Variants in EPHX3 observed in about 807,000 individuals in gnomAD.
EPHX3 encodes the protein epoxide hydrolase 3.
EPHX3 carries 39 observed loss-of-function variants against 40.2 expected under a neutral mutation model. That is an observed-to-expected ratio of 0.97 (90% CI 0.75 to 1.27). The LOEUF (loss-of-function observed/expected upper bound fraction) is 1.27, where lower values mean the gene tolerates loss of function less well. Among genes scored for constraint, EPHX3 ranks in the 50% most tolerant of loss-of-function variants. The probability of loss-of-function intolerance (pLI) is 0.00; values close to 1 mark genes in which losing one functional copy is unlikely to be tolerated. For synonymous variants in EPHX3, 213 were observed against 209.7 expected (o/e 1.02, Z -0.14); for missense variants, 442 against 474.0 (o/e 0.93, Z 0.63).
chr19:15,232,173 C>A lies in EPHX3; in HGVS notation c.39G>T (p.Ser13=). 1 of 1,524,012 alleles carries A rather than the reference C, an allele frequency of 6.6e-7. No homozygotes were observed. The highest frequency in any genetic ancestry group is 8.7e-7 in the Non-Finnish European group (1 of 1,143,168). 94.4% of individuals were successfully genotyped at this position (1,524,012 alleles called of 1,614,324 possible). ...ELVVTALLAP[S]RLSLKLLRAF... ...CGCGCAGCAGCTTCAGCGACAGGCG[C>A]GACGGCGCCAGCAGCGCGGTCACCA... The change falls in exon 1 of 7, where the codon TCG becomes TCT. Residue 13 remains serine, a synonymous_variant. Coordinates refer to ENST00000221730, the MANE Select transcript of EPHX3 (RefSeq NM_024794.3).
At chr19:15,235,506 C>G (rs1280025036), upstream of EPHX3, 1 of 145,234 alleles carries the variant, frequency 6.9e-6, no homozygotes, top group African/African-American at 2.6e-5. Context: ...AAAAAGCAGC[C>G]ATCACAGGAG....
upstream of EPHX3, chr19:15,232,524 G>A (rs1001641633): frequency 1.0e-6 from 1 of 986,932 alleles, no homozygotes; most frequent in South Asian, 2.5e-5. Context: ...TCCTGTGCGG[G>A]GCTTAGGGCC....
At chr19:15,228,905 C>T (rs528651900) in intron 4 of EPHX3, among the ~76,000 whole-genome samples, 28 of 152,122 alleles carry the variant, frequency 1.8e-4, no homozygotes, top group Non-Finnish European at 3.5e-4. Flanking sequence ...GTGGGAGGAT[C>T]GCTTGAGCCC....
At chr19:15,230,940 T>C (rs75156327) in intron 4 of EPHX3, 22 bp downstream of exon 4, 38,275 of 1,612,250 alleles carry the variant, frequency 0.024, 1,502 homozygotes, top group East Asian at 0.19. Context: ...TACATCCCAG[T>C]GTCCCGGACT....
At chr19:15,231,187 G>A (rs2047151052) in intron 3 of EPHX3, 52 bp downstream of exon 3, 2 of 1,612,768 alleles carry the variant, frequency 1.2e-6, no homozygotes, top group Non-Finnish European at 1.7e-6. Context: ...GCGGGGGTAT[G>A]CGTGTGTGCA....
At chr19:15,233,125 A>G (rs911964888), upstream of EPHX3, 14 of 94,518 alleles carry the variant, frequency 1.5e-4, no homozygotes, top group African/African-American at 5.8e-4. Flanking sequence ...GCCTGGGCCA[A>G]TGAGCTGACG....
Position 15,231,012 on chromosome 19 carries a change from AG to A in EPHX3, c.565del (p.Leu189TrpfsTer54). ...AWHFSIYYPS[L>X]VERMVVVSGA... ...ACTGACCACAACCATCCGCTCGACC[AG>A]GGATGGGTAGTAGATGGAGAAATGC... On this transcript the variant is annotated frameshift_variant, in exon 4 of 7. Coordinates refer to ENST00000221730, the MANE Select transcript of EPHX3 (RefSeq NM_024794.3). LOFTEE classifies it high-confidence loss of function. 6.2e-7 allele frequency: 1 copy of A among 1,614,094 alleles called. No homozygotes were observed.
In EPHX3 at chr19:15,232,429, C is replaced by A. The variant is rs1333052847; in HGVS notation, c.-218G>T. The A allele has an allele frequency of 4.4e-6, 6 of 1,350,742 alleles. No homozygotes were observed. Among genetic ancestry groups the A allele is most frequent in the Non-Finnish European group, 5.7e-6 (6 of 1,058,908 alleles). 83.7% of individuals were successfully genotyped at this position (1,350,742 alleles called of 1,614,324 possible). A position where few individuals can be genotyped will look rare whatever the true frequency, so the allele number is the denominator to read the frequency against. ...GTGCCAGGTAAACACCTGGGCGCGA[C>A]AGGGACAGGAAACAAGGGTAGGGTG... On this transcript the variant is annotated 5_prime_UTR_variant, in exon 1 of 7. Transcript: ENST00000221730.
In EPHX3 at chr19:15,231,252, G is replaced by A. The variant is rs749551343; in HGVS notation, c.474C>T (p.Val158=). The part of the protein sequence containing the change: ...IDLLLVDIKD[V]ILGLGYSKCI... ...GTATGTCTGCACCCAGGCCTAGGATGACATCTTTGATGTCCACCAGCAGCA... is the reference window on the plus strand; with the variant it reads ...GTATGTCTGCACCCAGGCCTAGGATAACATCTTTGATGTCCACCAGCAGCA... Residue 158 remains valine (V), a synonymous_variant, in exon 3 of 7, where the codon GTC becomes GTT. Transcript: ENST00000221730. 8.7e-6 allele frequency: 14 copies of A among 1,613,842 alleles called. No homozygotes were observed. The highest frequency in any genetic ancestry group is 1.2e-5 in the Non-Finnish European group (14 of 1,180,010).
In EPHX3 at chr19:15,230,950, T is replaced by C. The variant is rs758835896; in HGVS notation, c.616+12A>G. 1 of 1,613,472 alleles carries C rather than the reference T, an allele frequency of 6.2e-7. No individual in the cohort carries two copies. On this transcript the variant is annotated intron_variant, in intron 4 of 6. Transcript: ENST00000221730. ...ATAAGTACATCCCAGTGTCCCGGACTCCCACACACACCTTGGTACACCGAC... is the reference window on the plus strand; with the variant it reads ...ATAAGTACATCCCAGTGTCCCGGACCCCCACACACACCTTGGTACACCGAC...
upstream of EPHX3, among the ~76,000 whole-genome samples, chr19:15,233,885 CCT>C (rs2047172336): frequency 6.6e-6 from 1 of 152,112 alleles, no homozygotes; most frequent in Non-Finnish European, 1.5e-5. Flanking sequence ...ATGGTGAAAC[CCT>C]GTCTCTACTA....
intron 4 of EPHX3, among the ~76,000 whole-genome samples, chr19:15,229,929 A>G (rs1219973569): frequency 6.7e-6 from 1 of 148,484 alleles, no homozygotes; most frequent in Non-Finnish European, 1.5e-5. Flanking sequence ...AAAGAAAAAG[A>G]AAAAAAACAA....
At chr19:15,231,147 A>G (rs1306386322) in intron 3 of EPHX3, 57 bp from the exon 4 acceptor site, 1 of 1,612,636 alleles carries the variant, frequency 6.2e-7, no homozygotes, top group East Asian at 2.2e-5. Flanking sequence ...TGAAGCAGGG[A>G]TGGGGGAAGT....
rs754218286 is a variant in EPHX3 at position 15,228,056 on chromosome 19, TGTA to T, written c.658_660del (p.Tyr220del). The T allele has an allele frequency of 3.1e-6, 5 of 1,610,870 alleles. No individual in the cohort carries two copies. Among genetic ancestry groups the T allele is most frequent in the Non-Finnish European group, 4.2e-6 (5 of 1,179,116 alleles). Reference sequence around the variant, plus strand: ...AGCCAGGGCAGCTGGAACAGGAACATGTAGTGGGAACGGAAGAACTGGCTGATG... The same window carrying T: ...AGCCAGGGCAGCTGGAACAGGAACATGTGGGAACGGAAGAACTGGCTGATG... On this transcript the variant is annotated inframe_deletion, in exon 5 of 7. Transcript: ENST00000221730.
At chr19:15,232,487 G>A (rs1027173923), upstream of EPHX3, 3 of 1,252,382 alleles carry the variant, frequency 2.4e-6, no homozygotes, top group African/African-American at 3.2e-5. Context: ...TGGAAAGGGG[G>A]GAAATAAATG....
At position 15,231,793 on chromosome 19, in the gene EPHX3, G is replaced by C; in HGVS notation, c.312C>G (p.His104Gln). ...RGNGPLMLFL[H>Q]GFPENWFSWR... ...AGACGTACCAGTTCTCAGGGAAGCC[G>C]TGCAGAAACAGCATGAGGGGTCCGT... Residue 104 changes from histidine (H) to glutamine (Q), a missense_variant, in exon 2 of 7, where the codon CAC becomes CAG. His to Gln is a conservative substitution (Grantham distance 24, BLOSUM62 0). Transcript: ENST00000221730. 1.2e-6 allele frequency: 2 copies of C among 1,613,932 alleles called. No individual in the cohort carries two copies. Among genetic ancestry groups the C allele is most frequent in the Non-Finnish European group, 1.7e-6 (2 of 1,180,010 alleles).
intron 4 of EPHX3, among the ~76,000 whole-genome samples, chr19:15,229,922 GAAAA>G (rs1404750566): frequency 1.2e-5 from 1 of 81,562 alleles, no homozygotes; most frequent in African/African-American, 4.8e-5. Flanking sequence ...GAAAAGAAAA[GAAAA>G]AGAAAAAAAA....
rs563976623 is a variant in EPHX3, at chr19:15,232,274, C to T, written c.-63G>A. 3.3e-5 allele frequency: 47 copies of T among 1,428,148 alleles called. No individual in the cohort carries two copies. The East Asian group carries it at 9.2e-4, about 28-fold the overall frequency. 88.5% of individuals were successfully genotyped at this position (1,428,148 alleles called of 1,614,324 possible). A position where few individuals can be genotyped will look rare whatever the true frequency, so the allele number is the denominator to read the frequency against. ...AGGGGCACCTGCAGCAGCGGCGAAG[C>T]GGTGTCAGGGCTCAGGGGCCCATCG... On this transcript the variant is annotated 5_prime_UTR_variant, in exon 1 of 7. Transcript: ENST00000221730.
intron 4 of EPHX3, among the ~76,000 whole-genome samples, chr19:15,230,653 ATT>A (rs35540856): frequency 7.4e-6 from 1 of 135,096 alleles, no homozygotes; most frequent in Non-Finnish European, 1.6e-5. Flanking sequence ...GGCTAATTAC[ATT>A]TTTTTTTTTT....
Sources: gnomAD v4.1 joint callset for allele counts (sites outside exome capture counted in the v4.1 genomes callset) on GRCh38, gnomAD v4.1.1 for gene constraint, MANE v1.5 for transcripts, NCBI Gene and HGNC (gene_info 2026-07-23, HGNC 2026-07-21) for gene names.